The following GOLIM4 variants were observed in gnomAD, a reference collection of about 807,000 sequenced individuals.
The protein encoded by GOLIM4 is golgi integral membrane protein 4, also known as 130 kDa golgi-localized phosphoprotein.
Under a neutral mutation model 107.4 loss-of-function variants are expected in GOLIM4, and 71 were observed. The observed-to-expected ratio is 0.66, with a 90% confidence interval of 0.55 to 0.81. The LOEUF is 0.81. Among genes scored for constraint, GOLIM4 ranks in the 30% least tolerant of loss-of-function variants. The pLI is 0.00. For missense variants in GOLIM4, 830 were observed against 826.1 expected (o/e 1.00, Z -0.06); for synonymous variants, 327 against 294.8 (o/e 1.11, Z -1.12).
intron 12 of GOLIM4, 70 bp from the exon 13 acceptor site, chr3:168,025,165 G>C: frequency 8.0e-7 from 1 of 1,242,726 alleles, no homozygotes; most frequent in Non-Finnish European, 1.1e-6. Flanking sequence ...ATTTGAAAAG[G>C]CTGCCCACTG....
Position 168,032,973 on chromosome 3 carries a change from T to A in GOLIM4, c.844-121A>T, listed in dbSNP as rs1718421684. The A allele has an allele frequency of 4.1e-6, 3 of 737,456 alleles. No individual in the cohort carries two copies. In the African/African-American group the frequency reaches 5.3e-5, roughly 13 times the overall value. 45.7% of individuals were successfully genotyped at this position (737,456 alleles called of 1,614,324 possible). On this transcript the variant is annotated intron_variant, in intron 8 of 15. Coordinates refer to ENST00000470487, the MANE Select transcript of GOLIM4 (RefSeq NM_014498.5). ...ACAGAAGAAGGTGTCTAGAAATATA[T>A]ATAGTCCTGGCTTTATGGCTGCAAT...
At position 168,029,311 on chromosome 3, in the gene GOLIM4, G is replaced by C. The variant is rs1430040262; in HGVS notation, c.1434-9C>G. On this transcript the variant is annotated splice_polypyrimidine_tract_variant and intron_variant, in intron 10 of 15. Transcript: ENST00000470487. Reference sequence around the variant, plus strand: ...CATAATGAGCTTGCTGCCTACAAGAGACACAAACATGATAAATCCAGTGGG... The same window carrying C: ...CATAATGAGCTTGCTGCCTACAAGACACACAAACATGATAAATCCAGTGGG... 4 of 1,575,850 alleles carry C rather than the reference G, an allele frequency of 2.5e-6. No individual in the cohort carries two copies. The highest frequency in any genetic ancestry group is 3.5e-6 in the Non-Finnish European group (4 of 1,150,036).
intron 3 of GOLIM4, among the ~76,000 whole-genome samples, chr3:168,045,834 C>T (rs1205194870): frequency 6.6e-6 from 1 of 152,160 alleles, no homozygotes; most frequent in African/African-American, 2.4e-5. Context: ...TAAAAGCAAG[C>T]AAGAGTTGAA....
intron 1 of GOLIM4, among the ~76,000 whole-genome samples, chr3:168,055,850 T>C (rs1719931103): frequency 6.8e-6 from 1 of 147,350 alleles, no homozygotes. Flanking sequence ...AGGCATTCAG[T>C]ATTAAAAGGG....
At position 168,023,913 on chromosome 3, in the gene GOLIM4, C is replaced by T. The variant is rs896518794; in HGVS notation, c.1860+613G>A. On this transcript the variant is annotated intron_variant, in intron 14 of 15. Transcript: ENST00000470487. Reference sequence around the variant, plus strand: ...TATATCTAATTAACAACAAGATGCCCGAAGTTTACAATGAAAAGCAAACTA... The same window carrying T: ...TATATCTAATTAACAACAAGATGCCTGAAGTTTACAATGAAAAGCAAACTA... 6.6e-5 allele frequency among the ~76,000 whole-genome samples: 10 copies of T among 152,092 alleles called. No homozygotes were observed. The South Asian group carries it at 1.5e-3, about 22-fold the overall frequency.
At chr3:168,075,070 T>C (rs540681207) in intron 1 of GOLIM4, among the ~76,000 whole-genome samples, 1 of 152,250 alleles carries the variant, frequency 6.6e-6, no homozygotes, top group Admixed American at 6.5e-5. Context: ...ATGTTCCTTT[T>C]GTTCTGATTG....
At chr3:168,047,976 G>A (rs892994606) in intron 2 of GOLIM4, among the ~76,000 whole-genome samples, 1 of 150,030 alleles carries the variant, frequency 6.7e-6, no homozygotes, top group African/African-American at 2.5e-5. Context: ...GTGGACAGAA[G>A]TTCCAGGTGT....
Position 168,010,322 on chromosome 3 carries a change from C to G in GOLIM4, c.2038G>C (p.Glu680Gln). The change falls in exon 16 of 16, where the codon GAA becomes CAA. Residue 680 changes from glutamate to glutamine, a missense_variant. By Grantham distance (29) the Glu-to-Gln change is conservative. Transcript: ENST00000470487. ...TCAGCAACTGCAGCCCCGTCTTCTT[C>G]CTCCTCTTCTTCCTCCTCGTAGTGT... ...EEHYEEEEEEEEDGAAVAEKS... is the reference protein window; with the variant it reads ...EEHYEEEEEEQEDGAAVAEKS... The G allele has an allele frequency of 5.0e-6, 8 of 1,613,944 alleles. No homozygotes were observed. The highest frequency in any genetic ancestry group is 2.2e-5 in the East Asian group (1 of 44,878).
chr3:168,060,650 C>A (rs139224204), intron 1 of GOLIM4, among the ~76,000 whole-genome samples: 27 of 152,198 alleles, frequency 1.8e-4, no homozygotes, highest in East Asian at 1.5e-3. Flanking sequence ...GAAACAAAAT[C>A]AAAAATAATC....
intron 1 of GOLIM4, among the ~76,000 whole-genome samples, chr3:168,087,237 C>T (rs1421502018): frequency 1.3e-5 from 2 of 152,068 alleles, no homozygotes; most frequent in Non-Finnish European, 2.9e-5. Context: ...ATCTGATTTA[C>T]ATAGCATTAA....
intron 8 of GOLIM4, among the ~76,000 whole-genome samples, chr3:168,034,199 G>A (rs544194481): frequency 1.4e-4 from 22 of 152,022 alleles, no homozygotes; most frequent in Non-Finnish European, 2.5e-4. Context: ...ATACTGCCCT[G>A]GCTTTACAGA....
chr3:168,053,184 C>T (rs1474836898), intron 1 of GOLIM4, among the ~76,000 whole-genome samples: 2 of 152,168 alleles, frequency 1.3e-5, no homozygotes, highest in Non-Finnish European at 2.9e-5. Context: ...GAGAAATCAG[C>T]TGTATACATT....
At chr3:168,039,971 C>T (rs564568848) in intron 7 of GOLIM4, among the ~76,000 whole-genome samples, 26 of 152,206 alleles carry the variant, frequency 1.7e-4, no homozygotes, top group Non-Finnish European at 2.6e-4. Context: ...GAAAATTATA[C>T]CTTTTAATAA....
chr3:168,031,095 A>G lies in GOLIM4; in HGVS notation c.1177-1059T>C, dbSNP rs1290269327. ...TTATGTTAAGTGAAAAACTTCAAGC[A>G]CAGAAAGACATACATTGCATATTCT... On this transcript the variant is annotated intron_variant, in intron 9 of 15. Transcript: ENST00000470487. 4.6e-5 allele frequency among the ~76,000 whole-genome samples: 7 copies of G among 152,324 alleles called. No individual in the cohort carries two copies. In the East Asian group the frequency reaches 1.4e-3, roughly 29 times the overall value.
intron 1 of GOLIM4, among the ~76,000 whole-genome samples, chr3:168,084,370 C>T (rs531901788): frequency 6.6e-6 from 1 of 152,304 alleles, no homozygotes; most frequent in Non-Finnish European, 1.5e-5. Flanking sequence ...CAGACTAATA[C>T]ACTTGCCCTG....
intron 1 of GOLIM4, among the ~76,000 whole-genome samples, chr3:168,088,531 G>A (rs1252099801): frequency 6.6e-6 from 1 of 152,178 alleles, no homozygotes; most frequent in Non-Finnish European, 1.5e-5. Flanking sequence ...TTATTTGCCT[G>A]CTCAAGGTCA....
At chr3:168,078,543 T>C (rs748418863) in intron 1 of GOLIM4, among the ~76,000 whole-genome samples, 17 of 152,168 alleles carry the variant, frequency 1.1e-4, no homozygotes, top group Non-Finnish European at 2.1e-4. Flanking sequence ...CTTTTACAGC[T>C]AGTTTAACGA....
intron 9 of GOLIM4, among the ~76,000 whole-genome samples, chr3:168,031,127 T>A (rs1718311804): frequency 6.6e-6 from 1 of 152,186 alleles, no homozygotes; most frequent in Admixed American, 6.5e-5. Context: ...TTCTCATTCA[T>A]GTAGGAGCTT....
intron 14 of GOLIM4, among the ~76,000 whole-genome samples, chr3:168,016,960 T>A (rs1274071557): frequency 2.0e-5 from 3 of 147,642 alleles, no homozygotes; most frequent in Non-Finnish European, 4.4e-5. Flanking sequence ...AGTTAGTGGG[T>A]GCAGTGCACC....
Sources: allele counts gnomAD v4.1 joint callset (sites outside exome capture counted in the v4.1 genomes callset), GRCh38; gene constraint gnomAD v4.1.1; transcripts MANE v1.5; gene names NCBI Gene and HGNC (gene_info 2026-07-23, HGNC 2026-07-21).